Variants in ZNF8 observed in about 807,000 individuals in gnomAD.
ZNF8 encodes the protein zinc finger protein 8, also known as zinc finger protein 272.
A neutral mutation model predicts 12.2 loss-of-function variants in ZNF8; 9 were observed. The observed-to-expected ratio is 0.73, with a 90% CI of 0.44 to 1.28. The LOEUF is 1.28. ZNF8 is among the 50% of genes most tolerant of loss of function. ZNF8 has a pLI of 0.00. For synonymous variants in ZNF8, 274 were observed against 282.3 expected (o/e 0.97, Z 0.30); for missense variants, 664 against 729.1 (o/e 0.91, Z 1.03).
intron 3 of ZNF8, among the ~76,000 whole-genome samples, chr19:58,287,690 G>A (rs1247202458): frequency 7.7e-6 from 1 of 129,596 alleles, no homozygotes; most frequent in Non-Finnish European, 1.6e-5. Context: ...TGCACAGGCT[G>A]GAGTACAGTT....
chr19:58,295,348 C>T lies in ZNF8; in HGVS notation c.1540C>T (p.Gln514Ter). 6.2e-7 allele frequency: 1 copy of T among 1,614,210 alleles called. No homozygotes were observed. Among genetic ancestry groups the T allele is most frequent in the Non-Finnish European group, 8.5e-7 (1 of 1,180,010 alleles). Reference sequence around the variant, plus strand: ...CTCGAGCAGGAACTCACACCTGGTTCAGCATCAACACCCGAACTCCAGAAA... The same window carrying T: ...CTCGAGCAGGAACTCACACCTGGTTTAGCATCAACACCCGAACTCCAGAAA... ...QSSSRNSHLVQHQHPNSRKSS... is the reference protein window; with the variant it reads ...QSSSRNSHLV Residue 514 changes from glutamine (Q) to a stop codon, truncating the protein, a stop_gained, in exon 4 of 4, where the codon CAG (glutamine) becomes TAG (stop). Coordinates refer to ENST00000621650, the MANE Select transcript of ZNF8 (RefSeq NM_021089.3). LOFTEE classifies it low-confidence loss of function (END_TRUNC).
chr19:58,295,621 G>C lies in ZNF8; in HGVS notation c.*85G>C. On this transcript the variant is annotated 3_prime_UTR_variant, in exon 4 of 4. Transcript: ENST00000621650. ...TGTACTCATGGAAGGAGGGGCTGGGGGTAGAAATGTCATGGGTGACTTCTG... is the reference window on the plus strand; with the variant it reads ...TGTACTCATGGAAGGAGGGGCTGGGCGTAGAAATGTCATGGGTGACTTCTG... 1.7e-6 allele frequency: 2 copies of C among 1,175,278 alleles called. No individual in the cohort carries two copies. The highest frequency in any genetic ancestry group is 2.4e-6 in the Non-Finnish European group (2 of 834,564). The allele number at this position is 1,175,278 out of a possible 1,614,324, so 72.8% of individuals were successfully genotyped here.
Position 58,295,796 on chromosome 19 carries a change from T to C in ZNF8, c.*260T>C. The C allele has an allele frequency of 2.5e-6, 1 of 406,694 alleles. No homozygotes were observed. Among genetic ancestry groups the C allele is most frequent in the South Asian group, 6.0e-5 (1 of 16,572 alleles). The allele number at this position is 406,694 out of a possible 1,614,324, so 25.2% of individuals were successfully genotyped here. Reference sequence around the variant, plus strand: ...AGGTAATATAACCTACCCACCTGTGTAATGTCAAAAAAAATCAATATGCGG... The same window carrying C: ...AGGTAATATAACCTACCCACCTGTGCAATGTCAAAAAAAATCAATATGCGG... On this transcript the variant is annotated 3_prime_UTR_variant, in exon 4 of 4. Transcript: ENST00000621650.
intron 3 of ZNF8, among the ~76,000 whole-genome samples, chr19:58,293,258 C>A (rs2051431182): frequency 6.6e-6 from 1 of 152,138 alleles, no homozygotes; most frequent in Non-Finnish European, 1.5e-5. Context: ...TATTTGGGGG[C>A]CAGAGGTGAC....
intron 1 of ZNF8, 97 bp downstream of exon 1, chr19:58,279,244 G>A (rs1326876848): frequency 3.9e-6 from 6 of 1,533,094 alleles, no homozygotes; most frequent in Admixed American, 2.0e-5. Flanking sequence ...GAGCGGCACC[G>A]CTGTTAATGC....
rs567684498 is a variant in ZNF8, at chr19:58,287,146, C to T, written c.289+941C>T. 9.3e-4 allele frequency among the ~76,000 whole-genome samples: 142 copies of T among 152,182 alleles called. 1 individual carries two copies. Among genetic ancestry groups the T allele is most frequent in the South Asian group, 5.2e-3 (25 of 4,814 alleles). On this transcript the variant is annotated intron_variant, in intron 3 of 3. Transcript: ENST00000621650. ...CCTTGACCTCCCTAGTTCAAATGATCCTCCCACCTCACCCTCCCGAGTAGC... is the reference window on the plus strand; with the variant it reads ...CCTTGACCTCCCTAGTTCAAATGATTCTCCCACCTCACCCTCCCGAGTAGC...
rs116686404 is a variant in ZNF8 at position 58,280,129 on chromosome 19, G to C, written c.66+982G>C. 6.2e-4 allele frequency: 195 copies of C among 316,024 alleles called. 1 individual carries two copies. The highest frequency in any genetic ancestry group is 3.9e-3 in the African/African-American group (175 of 45,008). 19.6% of individuals were successfully genotyped at this position (316,024 alleles called of 1,614,324 possible). The stretch of plus-strand genomic sequence containing the variant: ...GTGTAACTCAAAACTTCGTGACCTG[G>C]AACAACAATAAATATCTCACGAGTT... On this transcript the variant is annotated intron_variant, in intron 1 of 3. Coordinates refer to ENST00000621650, the MANE Select transcript of ZNF8 (RefSeq NM_021089.3).
At chr19:58,283,929 GAA>G (rs2051366634) in intron 1 of ZNF8, among the ~76,000 whole-genome samples, 1 of 152,070 alleles carries the variant, frequency 6.6e-6, no homozygotes, top group African/African-American at 2.4e-5. Context: ...CAAAGTTATT[GAA>G]AGAGAGAGAG....
At chr19:58,291,827 G>T (rs1225720761) in intron 3 of ZNF8, among the ~76,000 whole-genome samples, 1 of 152,196 alleles carries the variant, frequency 6.6e-6, no homozygotes, top group Admixed American at 6.5e-5. Flanking sequence ...CAGATGTCTG[G>T]GGATGAGGGT....
rs371872486 is a variant in ZNF8 at position 58,301,250 on chromosome 19, A to G, written c.*5714A>G. The G allele has an allele frequency of 1.3e-5, 2 of 152,108 alleles. No homozygotes were observed. Among genetic ancestry groups the G allele is most frequent in the African/African-American group, 4.8e-5 (2 of 41,386 alleles). The allele number at this position is 152,108 out of a possible 1,614,324, so 9.4% of individuals were successfully genotyped here. ...GGCTGTTTCCACTTGCCATCCCATC[A>G]TGGAAGCCAGAAAACCAGTCTTCTT... On this transcript the variant is annotated 3_prime_UTR_variant, in exon 4 of 4. Coordinates refer to ENST00000621650, the MANE Select transcript of ZNF8 (RefSeq NM_021089.3).
chr19:58,284,511 G>T (rs965787245), intron 1 of ZNF8, among the ~76,000 whole-genome samples: 1 of 152,210 alleles, frequency 6.6e-6, no homozygotes, highest in Non-Finnish European at 1.5e-5. Flanking sequence ...TTGTTTATGG[G>T]ACACATTTTA....
Position 58,294,073 on chromosome 19 carries a change from C to T in ZNF8, c.290-25C>T, listed in dbSNP as rs201356248. The T allele has an allele frequency of 8.9e-5, 140 of 1,575,980 alleles. No homozygotes were observed. The highest frequency in any genetic ancestry group is 9.0e-5 in the Admixed American group (5 of 55,650). On this transcript the variant is annotated intron_variant, in intron 3 of 3. Transcript: ENST00000621650. The surrounding 1 kb of genome is among the most constrained non-coding windows in gnomAD (Gnocchi z 5.5). ...CTTCCGTTTTTTTCTCCCAACAGCT[C>T]AGAGATCTTTGGGTTTTCTTTCAGC...
intron 1 of ZNF8, among the ~76,000 whole-genome samples, chr19:58,281,133 C>G (rs2051348603): frequency 6.6e-6 from 1 of 152,108 alleles, no homozygotes; most frequent in Admixed American, 6.5e-5. Flanking sequence ...GAGGAGCCAT[C>G]CAGTATTCAG....
chr19:58,295,479 G>T lies in ZNF8; in HGVS notation c.1671G>T (p.Gly557=). 3.7e-6 allele frequency: 6 copies of T among 1,612,020 alleles called. No individual in the cohort carries two copies. Among genetic ancestry groups the T allele is most frequent in the Non-Finnish European group, 5.1e-6 (6 of 1,179,070 alleles). ...MQEKNPVHVI[G]VEEPSVGASM... ...AGAAAAACCCTGTGCACGTTATTGG[G>T]GTGGAAGAGCCTTCTGTGGGTGCTT... is the stretch of plus-strand genomic sequence containing the variant. The change falls in exon 4 of 4, where the codon GGG becomes GGT. Residue 557 remains glycine (G), a synonymous_variant. Transcript: ENST00000621650.
intron 1 of ZNF8, among the ~76,000 whole-genome samples, chr19:58,283,181 A>G (rs1453182444): frequency 1.3e-5 from 2 of 151,904 alleles, no homozygotes; most frequent in African/African-American, 4.8e-5. Flanking sequence ...CATGTTGCCC[A>G]GGCCAGTCTT....
chr19:58,292,907 CTT>C (rs1385406696), intron 3 of ZNF8, among the ~76,000 whole-genome samples: 1 of 149,138 alleles, frequency 6.7e-6, no homozygotes, highest in Non-Finnish European at 1.5e-5. Context: ...TGTGAAGTGA[CTT>C]ATATTTTAGA....
In ZNF8 at chr19:58,279,350, C is replaced by T. The variant is rs540070759; in HGVS notation, c.66+203C>T. The T allele has an allele frequency of 5.2e-5, 76 of 1,464,676 alleles. No individual in the cohort carries two copies. In the African/African-American group the frequency reaches 1.0e-3, roughly 20 times the overall value. The allele number at this position is 1,464,676 out of a possible 1,614,324, so 90.7% of individuals were successfully genotyped here. A position where few individuals can be genotyped will look rare whatever the true frequency, so the allele number is the denominator to read the frequency against. On this transcript the variant is annotated intron_variant, in intron 1 of 3. Coordinates refer to ENST00000621650, the MANE Select transcript of ZNF8 (RefSeq NM_021089.3). ...CGGGATTCCAACCAGGCGCCTGGCCCCCGAATGCGCATGCTCCACGCGGCT... is the reference window on the plus strand; with the variant it reads ...CGGGATTCCAACCAGGCGCCTGGCCTCCGAATGCGCATGCTCCACGCGGCT...
chr19:58,279,390 G>A lies in ZNF8; in HGVS notation c.66+243G>A, dbSNP rs747532225. 6 of 1,447,324 alleles carry A rather than the reference G, an allele frequency of 4.1e-6. No individual in the cohort carries two copies. In the South Asian group the frequency reaches 5.7e-5, roughly 14 times the overall value. The allele number at this position is 1,447,324 out of a possible 1,614,324, so 89.7% of individuals were successfully genotyped here. On this transcript the variant is annotated intron_variant, in intron 1 of 3. Coordinates refer to ENST00000621650, the MANE Select transcript of ZNF8 (RefSeq NM_021089.3). ...TCCACGCGGCTCTGTCCTCCCCAGG[G>A]CTGGGGTCGGTCATTCCCGAGAGAA... is the stretch of plus-strand genomic sequence containing the variant.
Position 58,299,677 on chromosome 19 carries a change from G to A in ZNF8, c.*4141G>A, listed in dbSNP as rs1315195879. ...CCAGCTACTCGGGAGGCTGAGGCGGGAGAATGGCGTGAACCTGGGAGGCAG... is the reference window on the plus strand; with the variant it reads ...CCAGCTACTCGGGAGGCTGAGGCGGAAGAATGGCGTGAACCTGGGAGGCAG... On this transcript the variant is annotated 3_prime_UTR_variant, in exon 4 of 4. Coordinates refer to ENST00000621650, the MANE Select transcript of ZNF8 (RefSeq NM_021089.3). 2.6e-5 allele frequency: 4 copies of A among 152,182 alleles called. No individual in the cohort carries two copies. Among genetic ancestry groups the A allele is most frequent in the Non-Finnish European group, 5.9e-5 (4 of 68,180 alleles). The allele number at this position is 152,182 out of a possible 1,614,324, so 9.4% of individuals were successfully genotyped here.
Sources: allele counts gnomAD v4.1 joint callset (sites outside exome capture counted in the v4.1 genomes callset), GRCh38; gene constraint gnomAD v4.1.1; non-coding constraint Gnocchi (gnomAD v3.1); transcripts MANE v1.5; gene names NCBI Gene and HGNC (gene_info 2026-07-23, HGNC 2026-07-21).